Variants in STRN4 observed in about 807,000 individuals in gnomAD.
The protein encoded by STRN4 is striatin 4, also known as striatin-4.
STRN4 carries 27 observed loss-of-function variants against 77.9 expected under a neutral mutation model. The ratio of observed to expected loss-of-function variants is 0.35; its 90% CI spans 0.26 to 0.48. The LOEUF (loss-of-function observed/expected upper bound fraction) is 0.48. STRN4 is among the 20% of genes least tolerant of loss of function. The pLI is 0.99. For synonymous variants in STRN4, 466 were observed against 443.1 expected (o/e 1.05, Z -0.65); for missense variants, 798 against 1,049.7 (o/e 0.76, Z 3.31).
chr19:46,730,200 C>T (rs545126729), intron 6 of STRN4, among the ~76,000 whole-genome samples: 1 of 152,356 alleles, frequency 6.6e-6, no homozygotes, highest in African/African-American at 2.4e-5. Context: ...CGGCTCCGTG[C>T]ACACCACTCT....
rs754261484 is a variant in STRN4 at position 46,738,804 on chromosome 19, A to G, written c.367T>C (p.Tyr123His). 1.2e-6 allele frequency: 2 copies of G among 1,613,810 alleles called. No homozygotes were observed. The highest frequency in any genetic ancestry group is 2.2e-5 in the South Asian group (2 of 91,068). Reference protein sequence around the residue: ...DLVRRIKMLEYALKQERAKYH... With the variant: ...DLVRRIKMLEHALKQERAKYH... ...GCTCACCTTTCCTGCTTCAGCGCAT[A>G]CTCTAGCATCTTGATCCGCCGCACC... The change falls in exon 2 of 18, where the codon TAT (tyrosine) becomes CAT (histidine). Residue 123 changes from tyrosine (Y) to histidine (H), a missense_variant. Physicochemically the swap from Tyr to His is moderately conservative, Grantham distance 83. Transcript: ENST00000263280. This position sits in a 1 kb window ranked among gnomAD's most constrained non-coding sequence, Gnocchi z 4.5.
chr19:46,721,899 G>T (rs182514598), intron 16 of STRN4, 87 bp downstream of exon 16: 3 of 1,502,078 alleles, frequency 2.0e-6, no homozygotes, highest in African/African-American at 2.7e-5. Context: ...GGCCCCCGGG[G>T]CCCCCTGAGC....
Position 46,746,177 on chromosome 19 carries a change from C to T in STRN4, c.254G>A (p.Arg85His). The T allele has an allele frequency of 6.5e-7, 1 of 1,536,006 alleles. No individual in the cohort carries two copies. The highest frequency in any genetic ancestry group is 8.7e-7 in the Non-Finnish European group (1 of 1,149,028). The change falls in exon 1 of 18, where the codon CGC becomes CAC. Residue 85 changes from arginine to histidine, a missense_variant. Around this residue, in one of 2 missense-constraint regions of STRN4, gnomAD observed 511 missense variants for 575.9 expected, o/e 0.89. Coordinates refer to ENST00000263280, the MANE Select transcript of STRN4 (RefSeq NM_013403.3). ...EWARFEAEKARWEAERAELQA... is the reference protein window; with the variant it reads ...EWARFEAEKAHWEAERAELQA... ...TAACTCGGCGCGCTCGGCCTCCCAGCGGGCTTTCTCGGCTTCGAAGCGCGC... is the reference window on the plus strand; with the variant it reads ...TAACTCGGCGCGCTCGGCCTCCCAGTGGGCTTTCTCGGCTTCGAAGCGCGC...
intron 1 of STRN4, chr19:46,745,845 G>T: frequency 3.5e-6 from 1 of 283,220 alleles, no homozygotes; most frequent in Non-Finnish European, 6.6e-6. Context: ...CCCAGTCCCA[G>T]TCCCACTCCC....
rs528130391 is a variant in STRN4 at position 46,744,685 on chromosome 19, CCT to C, written c.282+1462_282+1463del. Reference sequence around the variant, plus strand: ...CAGGCGTGAGCCACCGCACCCCATCCCTACCGACACAATTCTCATCAGCTATT... The same window carrying C: ...CAGGCGTGAGCCACCGCACCCCATCCACCGACACAATTCTCATCAGCTATT... On this transcript the variant is annotated intron_variant, in intron 1 of 17. Transcript: ENST00000263280. Among the ~76,000 whole-genome samples, 519 of 152,104 alleles carry C rather than the reference CCT, an allele frequency of 3.4e-3. 2 individuals are homozygous for C. The highest frequency in any genetic ancestry group is 0.012 in the African/African-American group (500 of 41,484).
In STRN4 at chr19:46,723,019, C is replaced by T. The variant is rs1051629323; in HGVS notation, c.1766-69G>A. The T allele has an allele frequency of 6.5e-5, 104 of 1,600,222 alleles. No individual in the cohort carries two copies. The highest frequency in any genetic ancestry group is 8.8e-5 in the Non-Finnish European group (103 of 1,172,056). ...CCCAGCCCTGCCCCAGGGTGGGGGA[C>T]AGTGGGTGGGAGGCCTGGGGCCTCA... On this transcript the variant is annotated intron_variant, in intron 13 of 17. Transcript: ENST00000263280. The surrounding 1 kb of genome is among the most constrained non-coding windows in gnomAD (Gnocchi z 5.5).
chr19:46,725,846 C>T (rs1219361689), intron 9 of STRN4, 198 bp from the exon 10 acceptor site: 2 of 680,686 alleles, frequency 2.9e-6, no homozygotes, highest in East Asian at 2.8e-5. Flanking sequence ...CAAGTCCCCA[C>T]ACTGCGCTGG....
chr19:46,738,680 C>T lies in STRN4; in HGVS notation c.386+105G>A, dbSNP rs139206255. The T allele has an allele frequency of 5.6e-4, 595 of 1,054,018 alleles. 1 individual carries two copies. The African/African-American group carries it at 7.3e-3, about 13-fold the overall frequency. 65.3% of individuals were successfully genotyped at this position (1,054,018 alleles called of 1,614,324 possible). ...GTACTGGAATGATGGAAAAGAATGT[C>T]GACCCCAAATCTCCCTTAGCTGGAA... is the stretch of plus-strand genomic sequence containing the variant. On this transcript the variant is annotated intron_variant, in intron 2 of 17. Coordinates refer to ENST00000263280, the MANE Select transcript of STRN4 (RefSeq NM_013403.3). The surrounding 1 kb of genome is among the most constrained non-coding windows in gnomAD (Gnocchi z 4.5).
In STRN4 at chr19:46,738,642, C is replaced by T. The variant is rs2122368800; in HGVS notation, c.386+143G>A. ...CCACCTACTCTGTCCTGTTTCTCCCCTAGAATCTTATGGTACTGGAATGAT... is the reference window on the plus strand; with the variant it reads ...CCACCTACTCTGTCCTGTTTCTCCCTTAGAATCTTATGGTACTGGAATGAT... On this transcript the variant is annotated intron_variant, in intron 2 of 17. Transcript: ENST00000263280. This position sits in a 1 kb window ranked among gnomAD's most constrained non-coding sequence, Gnocchi z 4.5. 1.2e-6 allele frequency: 1 copy of T among 804,550 alleles called. No homozygotes were observed. The highest frequency in any genetic ancestry group is 2.5e-5 in the East Asian group (1 of 40,452). 49.8% of individuals were successfully genotyped at this position (804,550 alleles called of 1,614,324 possible). A position where few individuals can be genotyped will look rare whatever the true frequency, so the allele number is the denominator to read the frequency against.
At position 46,725,370 on chromosome 19, in the gene STRN4, C is replaced by T. The variant is rs761503370; in HGVS notation, c.1434G>A (p.Ala478=). The T allele has an allele frequency of 2.6e-5, 42 of 1,614,020 alleles. No homozygotes were observed. Among genetic ancestry groups the T allele is most frequent in the East Asian group, 1.8e-4 (8 of 44,888 alleles). The change falls in exon 11 of 18, where the codon GCG becomes GCA. Residue 478 remains alanine, a synonymous_variant. Transcript: ENST00000263280. ...AAGCATGTATAGGTTCCACATCTAGCGCCGCATTCCTGTGGGATGACAGAG... is the reference window on the plus strand; with the variant it reads ...AAGCATGTATAGGTTCCACATCTAGTGCCGCATTCCTGTGGGATGACAGAG... ...QKAVTAKKNA[A]LDVEPIHAFR...
chr19:46,725,274 T>C, intron 11 of STRN4, 58 bp downstream of exon 11: 1 of 1,611,738 alleles, frequency 6.2e-7, no homozygotes. Context: ...AGTGAGCAGG[T>C]CAGGAGTCAG....
intron 7 of STRN4, 127 bp from the exon 8 acceptor site, chr19:46,728,134 AG>A (rs771717541): frequency 2.9e-5 from 26 of 903,236 alleles, no homozygotes; most frequent in African/African-American, 4.9e-5. Flanking sequence ...GCCCTGGGGG[AG>A]GGGGGGAATG....
At chr19:46,722,399 C>A in intron 14 of STRN4, 59 bp from the exon 15 acceptor site, 1 of 1,552,590 alleles carries the variant, frequency 6.4e-7, no homozygotes, top group East Asian at 2.3e-5. Flanking sequence ...AAGACCAGAA[C>A]AGAGGCACAA....
At chr19:46,735,074 G>C (rs1015565209) in intron 4 of STRN4, among the ~76,000 whole-genome samples, 4 of 152,096 alleles carry the variant, frequency 2.6e-5, no homozygotes, top group African/African-American at 9.7e-5. Flanking sequence ...GGGAGGCCAA[G>C]GCAGGTGGAT....
Position 46,738,775 on chromosome 19 carries a change from G to A in STRN4, c.386+10C>T. On this transcript the variant is annotated intron_variant, in intron 2 of 17. Coordinates refer to ENST00000263280, the MANE Select transcript of STRN4 (RefSeq NM_013403.3). This position sits in a 1 kb window ranked among gnomAD's most constrained non-coding sequence, Gnocchi z 4.5. Reference sequence around the variant, plus strand: ...CCAGAAGGCAGGCCCAGGGCAGGATGAAGGCTCACCTTTCCTGCTTCAGCG... The same window carrying A: ...CCAGAAGGCAGGCCCAGGGCAGGATAAAGGCTCACCTTTCCTGCTTCAGCG... 5 of 1,613,770 alleles carry A rather than the reference G, an allele frequency of 3.1e-6. No homozygotes were observed. The highest frequency in any genetic ancestry group is 4.2e-6 in the Non-Finnish European group (5 of 1,179,768).
At position 46,727,906 on chromosome 19, in the gene STRN4, G is replaced by A. The variant is rs746383554; in HGVS notation, c.1141C>T (p.Arg381Trp). 52 of 1,607,044 alleles carry A rather than the reference G, an allele frequency of 3.2e-5. No individual in the cohort carries two copies. The highest frequency in any genetic ancestry group is 3.7e-5 in the Non-Finnish European group (43 of 1,175,752). Reference protein sequence around the residue: ...TGPPPGTPQPRPHEDVFIMDT... With the variant: ...TGPPPGTPQPWPHEDVFIMDT... Reference sequence around the variant, plus strand: ...GGGTGCCTCTTACCTTCATGTGGCCGGGGCTGGGGTGTGCCAGGAGGCGGG... The same window carrying A: ...GGGTGCCTCTTACCTTCATGTGGCCAGGGCTGGGGTGTGCCAGGAGGCGGG... The change falls in exon 8 of 18, where the codon CGG becomes TGG. Residue 381 changes from arginine to tryptophan, a missense_variant. Physicochemically the swap from Arg to Trp is moderately radical, Grantham distance 101. Transcript: ENST00000263280.
chr19:46,742,944 A>C (rs1214614678), intron 1 of STRN4, among the ~76,000 whole-genome samples: 2 of 152,176 alleles, frequency 1.3e-5, no homozygotes, highest in Non-Finnish European at 2.9e-5. Context: ...AGGGGTTCTC[A>C]CTGCAGCCAT....
rs1568391419 is a variant in STRN4, at chr19:46,725,642, C to T, written c.1255G>A (p.Asp419Asn). ...GTCTTCTTAAAAGCATCTTTGCTGT[C>T]AGACAGCTGGGGTTGGGGGGAGCTG... The part of the protein sequence containing the change: ...NDNDLSCDLS[D>N]SKDAFKKTWN... The change falls in exon 10 of 18, where the codon GAC becomes AAC. Residue 419 changes from aspartate (D) to asparagine (N), a missense_variant. Asp to Asn is a conservative substitution (Grantham distance 23). This residue lies in a region of STRN4 where 511 missense variants were observed against 575.9 expected (regional missense o/e 0.89). Transcript: ENST00000263280. The T allele has an allele frequency of 6.2e-7, 1 of 1,613,722 alleles. No individual in the cohort carries two copies. Among genetic ancestry groups the T allele is most frequent in the Non-Finnish European group, 8.5e-7 (1 of 1,179,696 alleles).
chr19:46,729,957 G>C (rs1450570154), intron 6 of STRN4, among the ~76,000 whole-genome samples: 3 of 152,140 alleles, frequency 2.0e-5, no homozygotes, highest in Non-Finnish European at 2.9e-5. Flanking sequence ...GCTGGGCCTC[G>C]ATGGAGGGCT....
Sources: allele counts gnomAD v4.1 joint callset (sites outside exome capture counted in the v4.1 genomes callset), GRCh38; gene constraint gnomAD v4.1.1; regional missense constraint gnomAD v4.1.1; non-coding constraint Gnocchi (gnomAD v3.1); transcripts MANE v1.5; gene names NCBI Gene and HGNC (gene_info 2026-07-23, HGNC 2026-07-21).